Variants in FAF1 observed in about 807,000 individuals in gnomAD.
FAF1 encodes FAS-associated factor 1.
FAF1 carries 25 observed loss-of-function variants against 92.5 expected under a neutral mutation model. That is an observed-to-expected ratio of 0.27 (90% CI 0.20 to 0.38). The LOEUF is 0.38. Among genes scored for constraint, FAF1 ranks in the 10% least tolerant of loss-of-function variants. The pLI is 1.00. For synonymous variants in FAF1, 234 were observed against 273.2 expected (o/e 0.86, Z 1.42); for missense variants, 636 against 793.3 (o/e 0.80, Z 2.38).
chr1:50,844,963 A>G (rs1644286117), intron 2 of FAF1, among the ~76,000 whole-genome samples: 1 of 152,284 alleles, frequency 6.6e-6, no homozygotes, highest in East Asian at 1.9e-4. Context: ...GGTTTAATAA[A>G]ATAAAAGGTA....
At position 50,705,777 on chromosome 1, in the gene FAF1, A is replaced by G. The variant is rs749568635; in HGVS notation, c.657+9T>C. The G allele has an allele frequency of 1.3e-5, 19 of 1,491,452 alleles. No homozygotes were observed. The highest frequency in any genetic ancestry group is 2.3e-5 in the East Asian group (1 of 44,290). The allele number at this position is 1,491,452 out of a possible 1,614,324, so 92.4% of individuals were successfully genotyped here. On this transcript the variant is annotated intron_variant, in intron 7 of 18. Transcript: ENST00000396153. ...TACCTTTATTTCTTAGCTGTGAGAC[A>G]TAACTCACCTCTTGAATAGTACTGC...
intron 13 of FAF1, among the ~76,000 whole-genome samples, chr1:50,545,027 C>A (rs907219898): frequency 6.6e-6 from 1 of 151,606 alleles, no homozygotes; most frequent in African/African-American, 2.4e-5. Context: ...CACACACACA[C>A]CACAGAAAAA....
chr1:50,893,119 A>G lies in FAF1; in HGVS notation c.46-35122T>C, dbSNP rs375933304. On this transcript the variant is annotated intron_variant, in intron 1 of 18. Coordinates refer to ENST00000396153, the MANE Select transcript of FAF1 (RefSeq NM_007051.3). ...TCTTGAATTTCTTTGAGTTTCCCTC[A>G]AAGCAGCTCTTTGGAATTCTCTGTC... Among the ~76,000 whole-genome samples the G allele has an allele frequency of 1.8e-4, 28 of 152,280 alleles. No individual in the cohort carries two copies. In the East Asian group the frequency reaches 5.2e-3, roughly 28 times the overall value.
chr1:50,758,406 G>C (rs1660169098), intron 4 of FAF1, among the ~76,000 whole-genome samples: 1 of 152,200 alleles, frequency 6.6e-6, no homozygotes, highest in African/African-American at 2.4e-5. Context: ...ACAGAAATCT[G>C]TCTTACGACA....
At chr1:50,468,202 CTG>C in intron 18 of FAF1, among the ~76,000 whole-genome samples, 1 of 152,044 alleles carries the variant, frequency 6.6e-6, no homozygotes, top group Non-Finnish European at 1.5e-5. Flanking sequence ...GAGTGAGACT[CTG>C]TCTCAAACAA....
intron 4 of FAF1, among the ~76,000 whole-genome samples, chr1:50,771,721 T>C (rs2124547147): frequency 6.6e-6 from 1 of 152,160 alleles, no homozygotes; most frequent in East Asian, 1.9e-4. Context: ...GCCAACATGG[T>C]GAAACCCCTT....
chr1:50,460,577 GTATGTGTGTGTGTATGTATATA>G, intron 18 of FAF1, among the ~76,000 whole-genome samples: 1 of 152,094 alleles, frequency 6.6e-6, no homozygotes, highest in East Asian at 1.9e-4. Flanking sequence ...ATATATGCAT[GTATGTGTGTGTGTATGTATATA>G]TATGTGTGTG....
chr1:50,632,667 A>G (rs888618130), intron 8 of FAF1, among the ~76,000 whole-genome samples: 1 of 152,114 alleles, frequency 6.6e-6, no homozygotes, highest in Non-Finnish European at 1.5e-5. Context: ...TCTTCTTGAC[A>G]TTTTTTGTTT....
intron 2 of FAF1, chr1:50,846,798 C>G (rs1397825507): frequency 5.1e-5 from 35 of 682,772 alleles, no homozygotes; most frequent in Middle Eastern, 7.2e-4. Flanking sequence ...TGTCCCAATC[C>G]CACTTAAAGG....
intron 7 of FAF1, among the ~76,000 whole-genome samples, chr1:50,669,027 C>T (rs1322650461): frequency 1.3e-5 from 2 of 152,172 alleles, no homozygotes; most frequent in Admixed American, 6.5e-5. Context: ...AAACCATGGA[C>T]TTCTGGTATT....
intron 7 of FAF1, among the ~76,000 whole-genome samples, chr1:50,704,531 C>T (rs1657596124): frequency 6.6e-6 from 1 of 152,020 alleles, no homozygotes; most frequent in Admixed American, 6.6e-5. Flanking sequence ...GCTATAATAA[C>T]TCGGAGATGG....
At chr1:50,694,993 G>A (rs1657127065) in intron 7 of FAF1, among the ~76,000 whole-genome samples, 2 of 151,962 alleles carry the variant, frequency 1.3e-5, no homozygotes, top group African/African-American at 4.8e-5. Flanking sequence ...TAAATTGATA[G>A]ATTCTAACTG....
intron 7 of FAF1, among the ~76,000 whole-genome samples, chr1:50,674,045 G>C (rs1656011394): frequency 6.6e-6 from 1 of 152,046 alleles, no homozygotes; most frequent in South Asian, 2.1e-4. Context: ...CCGCCAGCCA[G>C]GTGCAAGTGA....
intron 13 of FAF1, among the ~76,000 whole-genome samples, chr1:50,558,202 A>ATATCTTATTTTTAGAATAAGATATT (rs66503743): frequency 5.0e-4 from 75 of 151,284 alleles, no homozygotes; most frequent in Admixed American, 1.1e-3. Flanking sequence ...TCCAGCCTAA[A>ATATCTTATTTTTAGAATAAGATATT]TATCTTATTT....
intron 1 of FAF1, among the ~76,000 whole-genome samples, chr1:50,877,207 A>G (rs901080234): frequency 1.3e-5 from 2 of 152,242 alleles, no homozygotes; most frequent in Non-Finnish European, 2.9e-5. Flanking sequence ...ATCAAGGTCA[A>G]TATCAACAAT....
chr1:50,731,194 A>AGAGCCACAAAGACAT, intron 6 of FAF1, among the ~76,000 whole-genome samples: 1 of 152,266 alleles, frequency 6.6e-6, no homozygotes, highest in South Asian at 2.1e-4. Context: ...AGGTTGGACA[A>AGAGCCACAAAGACAT]CTAGGCTTTA....
chr1:50,522,999 T>G (rs1179956434), intron 15 of FAF1, among the ~76,000 whole-genome samples: 1 of 152,216 alleles, frequency 6.6e-6, no homozygotes, highest in Non-Finnish European at 1.5e-5. Context: ...TTTCAAAAAT[T>G]TGCCTATTGA....
chr1:50,796,878 C>T (rs1444143504), intron 3 of FAF1, among the ~76,000 whole-genome samples: 1 of 152,110 alleles, frequency 6.6e-6, no homozygotes, highest in African/African-American at 2.4e-5. Flanking sequence ...ACCTGTAATC[C>T]CAACACTTTG....
At chr1:50,951,239 A>G (rs1645211964) in intron 1 of FAF1, among the ~76,000 whole-genome samples, 1 of 152,196 alleles carries the variant, frequency 6.6e-6, no homozygotes, top group Non-Finnish European at 1.5e-5. Context: ...GTCTCAAACG[A>G]ACAAACAAAC....
Sources: gnomAD v4.1 joint callset for allele counts (sites outside exome capture counted in the v4.1 genomes callset) on GRCh38, gnomAD v4.1.1 for gene constraint, MANE v1.5 for transcripts, NCBI Gene and HGNC (gene_info 2026-07-23, HGNC 2026-07-21) for gene names.